Variants in MTMR8 observed in about 807,000 individuals in gnomAD.
MTMR8 encodes the protein phosphatidylinositol-3,5-bisphosphate 3-phosphatase MTMR8.
MTMR8 carries 65 observed loss-of-function variants against 39.3 expected under a neutral mutation model. The observed-to-expected ratio is 1.65, with a 90% CI of 1.35 to 2.03. MTMR8 has a LOEUF of 2.03. Ranked by LOEUF, MTMR8 falls within the 30% of genes most tolerant of loss-of-function variation. The pLI is 0.00. For missense variants in MTMR8, 777 were observed against 538.9 expected, an observed-to-expected ratio of 1.44 and a Z score of -4.37; for synonymous variants, 245 against 185.2, an observed-to-expected ratio of 1.32 and a Z score of -2.62.
chrX:64,385,597 C>G (rs1924536235), intron 1 of MTMR8, among the ~76,000 whole-genome samples: 1 of 111,598 alleles, frequency 9.0e-6, no homozygotes, highest in African/African-American at 3.3e-5. Flanking sequence ...TGCACAGCTT[C>G]TTGGGAGGCC....
chrX:64,316,643 G>T (rs1054807799), intron 12 of MTMR8, among the ~76,000 whole-genome samples: 1 of 111,375 alleles, frequency 9.0e-6, no homozygotes, highest in African/African-American at 3.3e-5. Context: ...GCAAGGCCCA[G>T]TCTCAAAAAA....
chrX:64,273,924 T>C (rs1167136254), intron 12 of MTMR8, among the ~76,000 whole-genome samples: 1 of 111,966 alleles, frequency 8.9e-6, no homozygotes, highest in Non-Finnish European at 1.9e-5. Flanking sequence ...TATAAATGTA[T>C]ATGCATTCAA....
At chrX:64,314,508 G>C (rs947197971) in intron 12 of MTMR8, among the ~76,000 whole-genome samples, 3 of 112,972 alleles carry the variant, frequency 2.7e-5, no homozygotes, top group Non-Finnish European at 5.6e-5. Flanking sequence ...CAGGGCAGGG[G>C]AGGGTCTGCT....
Position 64,343,668 on chromosome X carries a change from G to C in MTMR8, c.918C>G (p.Ser306Arg). 1 of 1,208,741 alleles carries C rather than the reference G, an allele frequency of 8.3e-7. No homozygotes were observed. The highest frequency in any genetic ancestry group is 1.8e-5 in the South Asian group (1 of 56,697). ...TMSEFLSGLE[S>R]SGWLRHIKAI... ...CTTTAATGTGTCTTAACCACCCTGA[G>C]CTCTCCAGGCCGCTAAGAAATTCAC... The change falls in exon 8 of 14, where the codon AGC becomes AGG. Residue 306 changes from serine to arginine, a missense_variant. Ser to Arg is a moderately radical substitution (Grantham distance 110). Coordinates refer to ENST00000374852, the MANE Select transcript of MTMR8 (RefSeq NM_017677.4).
chrX:64,306,595 C>A (rs1327730306), intron 12 of MTMR8: 1 of 114,186 alleles, frequency 8.8e-6, no homozygotes, highest in African/African-American at 3.3e-5. Context: ...CAGTACGTTC[C>A]TTCTCTTTAA....
chrX:64,276,185 T>G (rs930811494), intron 12 of MTMR8, among the ~76,000 whole-genome samples: 7 of 111,488 alleles, frequency 6.3e-5, no homozygotes, highest in African/African-American at 2.3e-4. Context: ...CTCTATCTCC[T>G]TCAGTTCTGA....
intron 12 of MTMR8, among the ~76,000 whole-genome samples, chrX:64,310,663 C>A (rs1187590286): frequency 9.1e-6 from 1 of 110,165 alleles, no homozygotes; most frequent in Non-Finnish European, 1.9e-5. Context: ...CCCTCACCCC[C>A]CAACAGGCCC....
chrX:64,390,888 G>A (rs1163889416), intron 1 of MTMR8, among the ~76,000 whole-genome samples: 1 of 111,350 alleles, frequency 9.0e-6, no homozygotes, highest in African/African-American at 3.3e-5. Flanking sequence ...AAACTCCTGG[G>A]CTCAAGTGAT....
At chrX:64,295,926 A>T (rs1017881351) in intron 12 of MTMR8, among the ~76,000 whole-genome samples, 1 of 112,153 alleles carries the variant, frequency 8.9e-6, no homozygotes, top group Non-Finnish European at 1.9e-5. Flanking sequence ...TAAATATAAA[A>T]TTACCATATG....
chrX:64,353,900 T>G (rs1449456184), intron 4 of MTMR8, among the ~76,000 whole-genome samples: 1 of 110,809 alleles, frequency 9.0e-6, no homozygotes, highest in Non-Finnish European at 1.9e-5. Context: ...ACACTCTACC[T>G]TGGGCAACAG....
chrX:64,306,367 C>A, intron 12 of MTMR8: 2 of 229,966 alleles, frequency 8.7e-6, no homozygotes, highest in South Asian at 6.8e-5. Flanking sequence ...AAAGCATTGT[C>A]ATCTCTTTCA....
intron 7 of MTMR8, among the ~76,000 whole-genome samples, chrX:64,344,028 T>G (rs1019588897): frequency 9.5e-6 from 1 of 105,431 alleles, no homozygotes; most frequent in Non-Finnish European, 1.9e-5. Context: ...GAAAACATAT[T>G]TGATCCCTAT....
chrX:64,356,067 G>T, intron 3 of MTMR8, 109 bp downstream of exon 3: 2 of 764,517 alleles, frequency 2.6e-6, no homozygotes, highest in Non-Finnish European at 3.8e-6. Context: ...CTAATAAGTG[G>T]TACAGCCCAG....
intron 12 of MTMR8, among the ~76,000 whole-genome samples, chrX:64,314,723 T>C (rs931746625): frequency 8.9e-6 from 1 of 112,426 alleles, no homozygotes; most frequent in Non-Finnish European, 1.9e-5. Flanking sequence ...CGTACACATG[T>C]GCGGTCAAGG....
chrX:64,311,837 G>A (rs1392312739), intron 12 of MTMR8, among the ~76,000 whole-genome samples: 1 of 105,541 alleles, frequency 9.5e-6, no homozygotes, highest in Non-Finnish European at 1.9e-5. Flanking sequence ...TATTTCTGAG[G>A]GCTCAGTTCG....
Position 64,279,997 on chromosome X carries a change from G to A in MTMR8, c.1482-8924C>T, listed in dbSNP as rs145112094. 5.3e-3 allele frequency among the ~76,000 whole-genome samples: 597 copies of A among 111,923 alleles called. 5 individuals carry two copies. The highest frequency in any genetic ancestry group is 0.018 in the African/African-American group (567 of 30,843). ...CATACACCCTCCCAAGACTAAACCA[G>A]GAAGAAGTCGAGTTATTGAATAGAC... is the stretch of plus-strand genomic sequence containing the variant. On this transcript the variant is annotated intron_variant, in intron 12 of 13. Transcript: ENST00000374852.
chrX:64,335,875 T>C (rs1923060172), intron 10 of MTMR8, among the ~76,000 whole-genome samples: 1 of 112,416 alleles, frequency 8.9e-6, no homozygotes, highest in Admixed American at 9.4e-5. Flanking sequence ...CTTGTACTCC[T>C]TGAAAACAGG....
intron 4 of MTMR8, among the ~76,000 whole-genome samples, chrX:64,353,452 C>T (rs919167338): frequency 8.9e-6 from 1 of 111,845 alleles, no homozygotes; most frequent in African/African-American, 3.3e-5. Context: ...AGACATTTCT[C>T]AAAAGAGGAC....
Position 64,268,901 on chromosome X carries a change from T to G in MTMR8, c.1751A>C (p.Glu584Ala). Residue 584 changes from glutamate to alanine, a missense_variant, in exon 14 of 14, where the codon GAG (glutamate) becomes GCG (alanine). Coordinates refer to ENST00000374852, the MANE Select transcript of MTMR8 (RefSeq NM_017677.4). ...GINGDLNTLM[E>A]NGTLSREGGL... ...TCCTTCCCTGGATAGGGTGCCATTC[T>G]CCATCAGGGTATTCAGGTCTCCATT... The G allele has an allele frequency of 8.3e-7, 1 of 1,211,756 alleles. No homozygotes were observed. Among genetic ancestry groups the G allele is most frequent in the Admixed American group, 2.2e-5 (1 of 46,024 alleles).
Sources: gnomAD v4.1 joint callset for allele counts (sites outside exome capture counted in the v4.1 genomes callset) on GRCh38, gnomAD v4.1.1 for gene constraint, MANE v1.5 for transcripts, NCBI Gene and HGNC (gene_info 2026-07-23, HGNC 2026-07-21) for gene names.